CES5A: variants seen among roughly 807,000 people sequenced by gnomAD.
The protein encoded by CES5A is carboxylesterase 5A, also known as carboxylesterase 5.
CES5A carries 67 observed loss-of-function variants against 62.9 expected under a neutral mutation model. That is an observed-to-expected ratio of 1.07 (90% CI 0.88 to 1.31). CES5A has a LOEUF of 1.31. Among genes scored for constraint, CES5A ranks in the 50% most tolerant of loss-of-function variants. CES5A has a pLI of 0.00. For missense variants in CES5A, 748 were observed against 708.5 expected, an observed-to-expected ratio of 1.06 and a Z score of -0.63; for synonymous variants, 296 against 280.8, an observed-to-expected ratio of 1.05 and a Z score of -0.54.
At chr16:55,882,857 G>A (rs1194074918) in intron 1 of CES5A, among the ~76,000 whole-genome samples, 1 of 150,500 alleles carries the variant, frequency 6.6e-6, no homozygotes, top group Non-Finnish European at 1.5e-5. Flanking sequence ...CCAGAGGGCT[G>A]GCCACCTCTT....
chr16:55,846,772 T>C lies in CES5A; in HGVS notation c.1492A>G (p.Thr498Ala), dbSNP rs775637311. ...GAGACCGGGAGGTTTACTTACCCGG[T>C]TCGAGCAAAGGTAGCCCAGTATTTC... ...MMKYWATFAR[T>A]GNPNGNDLSL... Residue 498 changes from threonine (T) to alanine (A), a missense_variant, in exon 12 of 13, where the codon ACC becomes GCC. Transcript: ENST00000290567. 17 of 1,613,976 alleles carry C rather than the reference T, an allele frequency of 1.1e-5. No individual in the cohort carries two copies. The African/African-American group carries it at 1.7e-4, about 16-fold the overall frequency.
chr16:55,852,799 G>C, intron 10 of CES5A, 82 bp downstream of exon 10: 1 of 1,476,648 alleles, frequency 6.8e-7, no homozygotes, highest in Non-Finnish European at 9.2e-7. Flanking sequence ...AGAGAAGGCA[G>C]CCGCTCAGTA....
upstream of CES5A, among the ~76,000 whole-genome samples, chr16:55,930,207 C>A (rs1442571687): frequency 2.0e-5 from 3 of 151,656 alleles, no homozygotes; most frequent in Non-Finnish European, 4.4e-5. Context: ...GTCAGAACCC[C>A]CCACAATTCA....
intron 3 of CES5A, among the ~76,000 whole-genome samples, chr16:55,871,304 A>T (rs1208604870): frequency 6.6e-6 from 1 of 152,244 alleles, no homozygotes; most frequent in African/African-American, 2.4e-5. Context: ...TTGAAAAAAG[A>T]TACCTCAAAT....
At chr16:55,849,364 T>C (rs1466557217) in intron 11 of CES5A, among the ~76,000 whole-genome samples, 1 of 148,824 alleles carries the variant, frequency 6.7e-6, no homozygotes, top group African/African-American at 2.5e-5. Flanking sequence ...AAAAAAAATA[T>C]TTAGATTGCT....
intron 1 of CES5A, among the ~76,000 whole-genome samples, chr16:55,917,686 A>G (rs1353335101): frequency 6.6e-6 from 1 of 152,138 alleles, no homozygotes; most frequent in African/African-American, 2.4e-5. Context: ...TTGTAAGCTC[A>G]TCTCAGGTTC....
In CES5A at chr16:55,846,804, T is replaced by C. The variant is rs111931792; in HGVS notation, c.1460A>G (p.Lys487Arg). ...ATEEEKLLSR[K>R]MMKYWATFAR... ...AAAGGTAGCCCAGTATTTCATCATC[T>C]TCCGGCTCAGTAACTTCTCCTCCTC... The change falls in exon 12 of 13, where the codon AAG (lysine) becomes AGG (arginine). Residue 487 changes from lysine to arginine, a missense_variant. Coordinates refer to ENST00000290567, the MANE Select transcript of CES5A (RefSeq NM_001143685.2). 2.3e-3 allele frequency: 3,775 copies of C among 1,614,110 alleles called. 69 individuals carry two copies. In the African/African-American group the frequency reaches 0.041, roughly 18 times the overall value.
chr16:55,887,485 G>A (rs1254344149), intron 1 of CES5A, among the ~76,000 whole-genome samples: 4 of 151,996 alleles, frequency 2.6e-5, no homozygotes, highest in African/African-American at 9.7e-5. Flanking sequence ...AATTCAATGT[G>A]GCAAGCCAAG....
At chr16:55,892,864 G>A (rs1231711931) in intron 1 of CES5A, among the ~76,000 whole-genome samples, 1 of 152,114 alleles carries the variant, frequency 6.6e-6, no homozygotes, top group African/African-American at 2.4e-5. Flanking sequence ...AAATATATAT[G>A]AGTGCAGTTA....
intron 1 of CES5A, among the ~76,000 whole-genome samples, chr16:55,915,280 G>T (rs1380885606): frequency 5.3e-5 from 8 of 152,142 alleles, no homozygotes; most frequent in African/African-American, 9.7e-5. Context: ...GGCCCTAATT[G>T]GATGCCAGGC....
chr16:55,928,825 T>C (rs2034282532), upstream of CES5A, among the ~76,000 whole-genome samples: 1 of 152,274 alleles, frequency 6.6e-6, no homozygotes, highest in Middle Eastern at 3.4e-3. Context: ...CTTTCCCCCA[T>C]CCCCTGCTGT....
At chr16:55,878,650 A>G (rs1272180195), upstream of CES5A, among the ~76,000 whole-genome samples, 1 of 92,576 alleles carries the variant, frequency 1.1e-5, no homozygotes, top group Non-Finnish European at 2.0e-5. Context: ...TCTACAGCCC[A>G]TTGCTGCACC....
At chr16:55,850,552 C>T (rs1056429306) in intron 10 of CES5A, among the ~76,000 whole-genome samples, 11 of 152,120 alleles carry the variant, frequency 7.2e-5, no homozygotes, top group South Asian at 2.1e-4. Flanking sequence ...AGCATCCGTC[C>T]GTATTTCATT....
At chr16:55,912,882 C>T (rs1312993028) in intron 1 of CES5A, among the ~76,000 whole-genome samples, 1 of 152,118 alleles carries the variant, frequency 6.6e-6, no homozygotes, top group African/African-American at 2.4e-5. Flanking sequence ...AAGAACTGAG[C>T]CCCCAGGTGT....
intron 1 of CES5A, among the ~76,000 whole-genome samples, chr16:55,921,695 AC>A (rs2034206617): frequency 6.6e-6 from 1 of 151,580 alleles, no homozygotes; most frequent in South Asian, 2.1e-4. Context: ...CATAAAACTT[AC>A]TGGTAAAATT....
At chr16:55,905,980 C>T (rs1370690397) in intron 1 of CES5A, among the ~76,000 whole-genome samples, 1 of 152,076 alleles carries the variant, frequency 6.6e-6, no homozygotes, top group East Asian at 1.9e-4. Flanking sequence ...TTACTGTCCC[C>T]ACATCACCTA....
At chr16:55,944,079 G>T (rs1312871266) in intron 2 of CES5A, 1 of 702,048 alleles carries the variant, frequency 1.4e-6, no homozygotes, top group Non-Finnish European at 2.6e-6. Context: ...AGACCTCCAG[G>T]ATAAATCATC....
intron 1 of CES5A, among the ~76,000 whole-genome samples, chr16:55,891,175 G>T (rs917721331): frequency 1.3e-5 from 2 of 152,108 alleles, no homozygotes; most frequent in Non-Finnish European, 2.9e-5. Flanking sequence ...AAATGGTTTA[G>T]CCTGTGTGGT....
intron 1 of CES5A, among the ~76,000 whole-genome samples, chr16:55,908,667 T>G (rs1399695835): frequency 6.6e-6 from 1 of 152,186 alleles, no homozygotes; most frequent in Non-Finnish European, 1.5e-5. Context: ...GCCCCCATAG[T>G]TCTTCTCTAA....
Sources: gnomAD v4.1 joint callset for allele counts (sites outside exome capture counted in the v4.1 genomes callset) on GRCh38, gnomAD v4.1.1 for gene constraint, MANE v1.5 for transcripts, NCBI Gene and HGNC (gene_info 2026-07-23, HGNC 2026-07-21) for gene names.